The following C1QTNF3 variants were observed in gnomAD, a reference collection of about 807,000 sequenced individuals.
C1QTNF3 encodes the protein C1q and TNF related 3.
C1QTNF3 carries 26 observed loss-of-function variants against 32.6 expected under a neutral mutation model. The ratio of observed to expected loss-of-function variants is 0.80; its 90% confidence interval spans 0.58 to 1.11. C1QTNF3 has a LOEUF of 1.11. Ranked by LOEUF, C1QTNF3 falls within the 50% of genes least tolerant of loss-of-function variation. C1QTNF3 has a pLI of 0.00. For synonymous variants in C1QTNF3, 155 were observed against 146.0 expected (o/e 1.06, Z -0.44); for missense variants, 362 against 398.2 (o/e 0.91, Z 0.77).
chr5:34,083,536 T>C, the C1QTNF3 span, among the ~76,000 whole-genome samples: 2 of 151,158 alleles, frequency 1.3e-5, no homozygotes, highest in Non-Finnish European at 2.9e-5. Flanking sequence ...CCAGCGTATA[T>C]GAAAACTAGA....
At chr5:34,178,470 G>A in the C1QTNF3 span, among the ~76,000 whole-genome samples, 33 of 152,402 alleles carry the variant, frequency 2.2e-4, no homozygotes, top group East Asian at 5.4e-3. Flanking sequence ...CTCCAACCCT[G>A]GAGTTACTAA....
At chr5:34,176,439 T>C in the C1QTNF3 span, among the ~76,000 whole-genome samples, 5 of 148,754 alleles carry the variant, frequency 3.4e-5, no homozygotes, top group Admixed American at 3.4e-4. Context: ...AGCCAAGGAA[T>C]GATGTAACCC....
chr5:34,141,916 T>C, the C1QTNF3 span, among the ~76,000 whole-genome samples: 1 of 152,144 alleles, frequency 6.6e-6, no homozygotes, highest in African/African-American at 2.4e-5. Flanking sequence ...GCCAGTCTTG[T>C]TGTCCCAGGA....
upstream of C1QTNF3, among the ~76,000 whole-genome samples, chr5:34,046,647 T>C (rs895815108): frequency 2.0e-5 from 3 of 152,222 alleles, no homozygotes; most frequent in South Asian, 4.1e-4. Flanking sequence ...ACTCCAAAAC[T>C]GTGACACAAT....
the C1QTNF3 span, chr5:34,124,522 T>TACAC: frequency 3.5e-5 from 25 of 704,922 alleles, no homozygotes; most frequent in Admixed American, 1.9e-4. Context: ...GAGGAGGCAC[T>TACAC]ACTCACCTGT....
the C1QTNF3 span, among the ~76,000 whole-genome samples, chr5:34,131,482 C>T: frequency 2.0e-5 from 3 of 151,636 alleles, no homozygotes; most frequent in East Asian, 3.9e-4. Flanking sequence ...GAAGCAGCCT[C>T]GACAAATCAA....
chr5:34,089,909 G>A, the C1QTNF3 span, among the ~76,000 whole-genome samples: 1 of 152,162 alleles, frequency 6.6e-6, no homozygotes, highest in Non-Finnish European at 1.5e-5. Flanking sequence ...TTGTATAAAA[G>A]ACATAGTTCC....
At chr5:34,046,969 T>C (rs919702831), upstream of C1QTNF3, among the ~76,000 whole-genome samples, 1 of 152,226 alleles carries the variant, frequency 6.6e-6, no homozygotes, top group Admixed American at 6.5e-5. Context: ...TAAACATTGG[T>C]TTATTATTAA....
the C1QTNF3 span, among the ~76,000 whole-genome samples, chr5:34,175,111 A>G: frequency 6.9e-6 from 1 of 145,330 alleles, no homozygotes. Flanking sequence ...TGGTGTAATC[A>G]CAGCTTACTG....
chr5:34,241,943 G>GGGAC, the C1QTNF3 span, among the ~76,000 whole-genome samples: 17 of 85,574 alleles, frequency 2.0e-4, 1 homozygote, highest in Non-Finnish European at 3.0e-5. Flanking sequence ...AAGGGAGGAA[G>GGGAC]GGAGGGAGGG....
At chr5:34,239,992 C>T in the C1QTNF3 span, among the ~76,000 whole-genome samples, 1 of 152,080 alleles carries the variant, frequency 6.6e-6, no homozygotes, top group Admixed American at 6.6e-5. Context: ...CTCAACACTA[C>T]ACAAATAGAT....
At chr5:34,068,396 T>C in the C1QTNF3 span, among the ~76,000 whole-genome samples, 1 of 152,154 alleles carries the variant, frequency 6.6e-6, no homozygotes, top group East Asian at 1.9e-4. Context: ...AACATTAATC[T>C]TGAATTTCTC....
the C1QTNF3 span, among the ~76,000 whole-genome samples, chr5:34,209,818 C>T: frequency 3.9e-5 from 6 of 152,024 alleles, no homozygotes; most frequent in African/African-American, 9.7e-5. Context: ...CTCTCTTAAA[C>T]GCTCTGATAT....
At chr5:34,091,194 T>C in the C1QTNF3 span, among the ~76,000 whole-genome samples, 13 of 152,172 alleles carry the variant, frequency 8.5e-5, no homozygotes, top group Admixed American at 7.2e-4. Context: ...TTACAAGCAG[T>C]GTTACAAGAG....
the C1QTNF3 span, among the ~76,000 whole-genome samples, chr5:34,074,215 T>C: frequency 6.6e-6 from 1 of 151,914 alleles, no homozygotes. Flanking sequence ...TTCACGTGTC[T>C]ACAAGAAAGA....
At chr5:34,037,109 A>G (rs570124351) in intron 1 of C1QTNF3, among the ~76,000 whole-genome samples, 10 of 152,256 alleles carry the variant, frequency 6.6e-5, no homozygotes, top group Non-Finnish European at 1.5e-4. Context: ...AAAGAGCTAA[A>G]GACCTAGTGG....
chr5:34,055,351 A>T, the C1QTNF3 span, among the ~76,000 whole-genome samples: 1 of 152,244 alleles, frequency 6.6e-6, no homozygotes, highest in African/African-American at 2.4e-5. Context: ...GGACAGCAGG[A>T]CATTGAATCC....
At chr5:34,145,041 A>G in the C1QTNF3 span, among the ~76,000 whole-genome samples, 2 of 152,164 alleles carry the variant, frequency 1.3e-5, no homozygotes, top group Non-Finnish European at 2.9e-5. Context: ...AGGCAGGAAA[A>G]TTGCTTGAAC....
At chr5:34,022,349 C>T (rs1176100806) in intron 5 of C1QTNF3, among the ~76,000 whole-genome samples, 1 of 152,130 alleles carries the variant, frequency 6.6e-6, no homozygotes, top group Non-Finnish European at 1.5e-5. Flanking sequence ...GAGAGAGCCT[C>T]GAGGAGGCCC....
Sources: gnomAD v4.1 joint callset for allele counts (sites outside exome capture counted in the v4.1 genomes callset) on GRCh38, gnomAD v4.1.1 for gene constraint, MANE v1.5 for transcripts, NCBI Gene and HGNC (gene_info 2026-07-23, HGNC 2026-07-21) for gene names.